Variants in LRTM3 observed in about 807,000 individuals in gnomAD.
LRTM3 encodes the protein leucine rich repeat transmembrane protein 3.
the LRTM3 span, chr13:102,732,464 T>C: frequency 6.4e-7 from 1 of 1,551,146 alleles, no homozygotes. Flanking sequence ...TCTGCCTTTC[T>C]GATCTTTACG....
chr13:102,749,677 A>G, the LRTM3 span: 1 of 1,551,468 alleles, frequency 6.4e-7, no homozygotes, highest in African/African-American at 1.4e-5. Flanking sequence ...CAGGCTGGGC[A>G]AAGTTGCTGG....
the LRTM3 span, chr13:102,739,317 C>T: frequency 6.5e-7 from 1 of 1,549,236 alleles, no homozygotes; most frequent in South Asian, 1.2e-5. Flanking sequence ...TCTCTATCTT[C>T]CTTCTTTTTC....
At chr13:102,738,589 T>C in the LRTM3 span, 2 of 1,550,264 alleles carry the variant, frequency 1.3e-6, no homozygotes, top group Admixed American at 2.0e-5. Flanking sequence ...CTTTTTGCAA[T>C]ATAGATTCTA....
the LRTM3 span, among the ~76,000 whole-genome samples, chr13:102,753,106 T>C: frequency 6.6e-6 from 1 of 151,956 alleles, no homozygotes; most frequent in Middle Eastern, 3.2e-3. Context: ...ATAAAGAAAA[T>C]GTGGCACATA....
the LRTM3 span, chr13:102,735,140 T>C: frequency 4.5e-6 from 7 of 1,551,178 alleles, no homozygotes; most frequent in East Asian, 2.4e-5. Context: ...CTTTTCCTCC[T>C]CTTGCTCTCT....
chr13:102,733,787 C>T, the LRTM3 span: 2 of 1,551,256 alleles, frequency 1.3e-6, no homozygotes, highest in African/African-American at 1.4e-5. Flanking sequence ...AGGTTGGTTC[C>T]TTTGCTGGAC....
chr13:102,737,511 G>A, the LRTM3 span: 1 of 1,550,170 alleles, frequency 6.5e-7, no homozygotes, highest in Non-Finnish European at 8.7e-7. Flanking sequence ...CTGTTCCCTT[G>A]CTCCTCACCT....
At chr13:102,744,224 GTTA>G in the LRTM3 span, 1 of 1,550,416 alleles carries the variant, frequency 6.4e-7, no homozygotes. Flanking sequence ...TGCCTTCAAA[GTTA>G]CACATTTGGG....
At chr13:102,732,741 G>A in the LRTM3 span, 4 of 1,551,192 alleles carry the variant, frequency 2.6e-6, no homozygotes, top group South Asian at 2.4e-5. Context: ...CTGGCCTTGT[G>A]CATCTCTGTT....
the LRTM3 span, chr13:102,730,849 A>C: frequency 1.1e-4 from 173 of 1,551,522 alleles, no homozygotes; most frequent in Middle Eastern, 1.7e-4. Flanking sequence ...ATTGTAAATC[A>C]AGATCTATTT....
chr13:102,749,830 C>T, the LRTM3 span: 1 of 1,551,334 alleles, frequency 6.4e-7, no homozygotes, highest in Non-Finnish European at 8.7e-7. Context: ...CAGAAATAAC[C>T]ATTCCAACAG....
the LRTM3 span, chr13:102,730,826 C>T: frequency 1.2e-4 from 188 of 1,551,408 alleles, no homozygotes; most frequent in South Asian, 1.1e-3. Flanking sequence ...CAGGAGAAAA[C>T]GAAGGTATTT....
the LRTM3 span, chr13:102,744,057 T>C: frequency 6.4e-7 from 1 of 1,550,640 alleles, no homozygotes; most frequent in Non-Finnish European, 8.7e-7. Context: ...GATGTTGTAC[T>C]CTTAGCATAT....
the LRTM3 span, chr13:102,743,545 C>A: frequency 1.9e-6 from 3 of 1,548,536 alleles, no homozygotes; most frequent in Non-Finnish European, 1.7e-6. Flanking sequence ...ATATAATTTT[C>A]CTTTCTGATA....
the LRTM3 span, among the ~76,000 whole-genome samples, chr13:102,752,444 C>T: frequency 1.3e-5 from 2 of 152,152 alleles, no homozygotes; most frequent in Non-Finnish European, 2.9e-5. Flanking sequence ...GAATGGCTAC[C>T]CTGCAGGCTG....
chr13:102,737,372 C>T, the LRTM3 span: 2 of 1,550,452 alleles, frequency 1.3e-6, no homozygotes, highest in Non-Finnish European at 1.7e-6. Flanking sequence ...CAATTCATAA[C>T]AAGTTAGAGA....
At chr13:102,742,201 G>A in the LRTM3 span, 1 of 1,550,492 alleles carries the variant, frequency 6.4e-7, no homozygotes, top group Non-Finnish European at 8.7e-7. Flanking sequence ...TCTGCTGCTG[G>A]ATGTTACCTC....
chr13:102,755,445 A>G, the LRTM3 span, among the ~76,000 whole-genome samples: 1 of 152,208 alleles, frequency 6.6e-6, no homozygotes. Flanking sequence ...TGTGGTACAT[A>G]TACATCATGT....
At chr13:102,755,487 A>G in the LRTM3 span, among the ~76,000 whole-genome samples, 55 of 152,170 alleles carry the variant, frequency 3.6e-4, 1 homozygote, top group Admixed American at 2.6e-4. Flanking sequence ...GAATGAGATC[A>G]TGGCCTTTGC....
Sources: allele counts gnomAD v4.1 joint callset (sites outside exome capture counted in the v4.1 genomes callset), GRCh38; gene constraint gnomAD v4.1.1; transcripts MANE v1.5; gene names NCBI Gene and HGNC (gene_info 2026-07-23, HGNC 2026-07-21).